Variants in MRTFA observed in about 807,000 individuals in gnomAD.
MRTFA encodes the protein myocardin related transcription factor A, also known as myocardin-related transcription factor A.
MRTFA carries 20 observed loss-of-function variants against 83.5 expected under a neutral mutation model. The ratio of observed to expected loss-of-function variants is 0.24; its 90% CI spans 0.17 to 0.35. The LOEUF (loss-of-function observed/expected upper bound fraction) is 0.35. Among genes scored for constraint, MRTFA ranks in the 10% least tolerant of loss-of-function variants. The pLI is 1.00. For missense variants in MRTFA, 1,200 were observed against 1,224.7 expected (o/e 0.98, Z 0.30); for synonymous variants, 659 against 541.2 (o/e 1.22, Z -3.02).
chr22:40,423,463 G>A (rs924432451), intron 9 of MRTFA, 73 bp downstream of exon 9: 1 of 1,328,336 alleles, frequency 7.5e-7, no homozygotes, highest in Non-Finnish European at 9.9e-7. Context: ...TGTCCCCACA[G>A]CTGGAATGAA....
intron 4 of MRTFA, among the ~76,000 whole-genome samples, chr22:40,457,526 GA>G (rs1379267282): frequency 6.6e-6 from 1 of 151,572 alleles, no homozygotes; most frequent in Non-Finnish European, 1.5e-5. Flanking sequence ...AAGAGAGAGA[GA>G]TATGCAACTT....
chr22:40,583,247 G>A (rs1044805358), intron 2 of MRTFA, among the ~76,000 whole-genome samples: 3 of 152,106 alleles, frequency 2.0e-5, no homozygotes, highest in Non-Finnish European at 4.4e-5. Context: ...GATATTTAGT[G>A]AAAAACAAAA....
chr22:40,621,456 G>A (rs973614611), intron 1 of MRTFA, among the ~76,000 whole-genome samples: 4 of 152,120 alleles, frequency 2.6e-5, no homozygotes, highest in African/African-American at 7.2e-5. Context: ...GGTTCACAGG[G>A]GCTGGGGAGA....
chr22:40,541,478 A>G (rs980458309), intron 3 of MRTFA, among the ~76,000 whole-genome samples: 1 of 152,152 alleles, frequency 6.6e-6, no homozygotes, highest in African/African-American at 2.4e-5. Context: ...GCACCACTCA[A>G]AAGATAACAT....
chr22:40,457,516 A>AAG (rs1234327893), intron 4 of MRTFA, among the ~76,000 whole-genome samples: 2 of 150,220 alleles, frequency 1.3e-5, no homozygotes, highest in South Asian at 2.1e-4. Flanking sequence ...AAGAAAGAAA[A>AAG]AGAGAGAGAG....
intron 2 of MRTFA, among the ~76,000 whole-genome samples, chr22:40,581,325 A>T (rs2147360289): frequency 6.6e-6 from 1 of 152,294 alleles, no homozygotes; most frequent in Admixed American, 6.5e-5. Flanking sequence ...GCATAAATGG[A>T]AGGTTCACCA....
intron 4 of MRTFA, among the ~76,000 whole-genome samples, chr22:40,450,422 C>T (rs748712738): frequency 6.6e-6 from 1 of 151,836 alleles, no homozygotes; most frequent in Admixed American, 6.6e-5. Context: ...TGCTTTGATG[C>T]TGTTTTCAAT....
At chr22:40,447,688 T>G (rs112333544) in intron 4 of MRTFA, among the ~76,000 whole-genome samples, 24 of 152,332 alleles carry the variant, frequency 1.6e-4, no homozygotes, top group African/African-American at 5.5e-4. Context: ...ATGGTCTCCT[T>G]GTTTTCCCCA....
At chr22:40,495,757 C>CA (rs35652948) in intron 3 of MRTFA, among the ~76,000 whole-genome samples, 1,204 of 70,468 alleles carry the variant, frequency 0.017, 29 homozygotes, top group Middle Eastern at 0.091. Flanking sequence ...GACTCCATCT[C>CA]AAAAAAAAAA....
At chr22:40,626,435 G>A (rs1406558021) in intron 1 of MRTFA, among the ~76,000 whole-genome samples, 3 of 152,078 alleles carry the variant, frequency 2.0e-5, no homozygotes, top group Admixed American at 6.6e-5. Context: ...TGGGATTATC[G>A]GTGCACAGCG....
intron 2 of MRTFA, chr22:40,588,021 TC>T: frequency 5.4e-6 from 1 of 185,534 alleles, no homozygotes. Flanking sequence ...AAGGCCACAC[TC>T]CAACATTTTT....
intron 2 of MRTFA, among the ~76,000 whole-genome samples, chr22:40,562,313 G>A (rs2055632057): frequency 6.6e-6 from 1 of 151,330 alleles, no homozygotes; most frequent in African/African-American, 2.4e-5. Flanking sequence ...AAGGTGCCAG[G>A]CATATGAACA....
chr22:40,528,457 G>A (rs983876295), intron 3 of MRTFA, among the ~76,000 whole-genome samples: 1 of 152,070 alleles, frequency 6.6e-6, no homozygotes. Flanking sequence ...AAACTAAGTG[G>A]CCAGGCGTGG....
intron 7 of MRTFA, among the ~76,000 whole-genome samples, chr22:40,426,177 G>A (rs920800399): frequency 4.6e-5 from 7 of 152,010 alleles, no homozygotes; most frequent in East Asian, 1.9e-4. Flanking sequence ...AGAACGGTCC[G>A]CTCCCCCTTC....
At chr22:40,535,240 G>C (rs2055147718) in intron 3 of MRTFA, among the ~76,000 whole-genome samples, 3 of 152,012 alleles carry the variant, frequency 2.0e-5, no homozygotes, top group South Asian at 2.1e-4. Context: ...ATGACAGTCT[G>C]GTCAAAGGTT....
chr22:40,461,590 C>G (rs1020634793), intron 4 of MRTFA, among the ~76,000 whole-genome samples: 2 of 149,670 alleles, frequency 1.3e-5, no homozygotes, highest in Admixed American at 6.7e-5. Context: ...CGAGACCAAC[C>G]TGGCTCATAC....
At chr22:40,443,140 T>C (rs2053310536) in intron 4 of MRTFA, among the ~76,000 whole-genome samples, 2 of 151,834 alleles carry the variant, frequency 1.3e-5, no homozygotes, top group African/African-American at 4.8e-5. Context: ...TAATCCCAAC[T>C]CCTCAGGAGG....
At chr22:40,442,933 A>G (rs2053304939) in intron 4 of MRTFA, among the ~76,000 whole-genome samples, 2 of 152,144 alleles carry the variant, frequency 1.3e-5, no homozygotes, top group African/African-American at 2.4e-5. Flanking sequence ...TGGCTAGAAG[A>G]ATAAGCTGGG....
At chr22:40,440,933 CG>C (rs1412444876) in intron 4 of MRTFA, among the ~76,000 whole-genome samples, 1 of 152,178 alleles carries the variant, frequency 6.6e-6, no homozygotes, top group Non-Finnish European at 1.5e-5. Context: ...TGTCCAACTA[CG>C]AGGGCTGCAT....
Sources: gnomAD v4.1 joint callset for allele counts (sites outside exome capture counted in the v4.1 genomes callset) on GRCh38, gnomAD v4.1.1 for gene constraint, MANE v1.5 for transcripts, NCBI Gene and HGNC (gene_info 2026-07-23, HGNC 2026-07-21) for gene names.